Variants in RIN2 observed in about 807,000 individuals in gnomAD.
RIN2 encodes the protein Ras and Rab interactor 2, also known as RAB5 interacting protein 2.
RIN2 carries 36 observed loss-of-function variants against 78.0 expected under a neutral mutation model. That is an observed-to-expected ratio of 0.46 (90% confidence interval 0.35 to 0.61). The LOEUF is 0.61. Among genes scored for constraint, RIN2 ranks in the 20% least tolerant of loss-of-function variants. RIN2 has a pLI of 0.00. For synonymous variants in RIN2, 466 were observed against 466.8 expected (o/e 1.00, Z 0.02); for missense variants, 1,087 against 1,159.7 (o/e 0.94, Z 0.91).
At chr20:19,894,012 C>T (rs1004260358) in intron 3 of RIN2, among the ~76,000 whole-genome samples, 2 of 152,110 alleles carry the variant, frequency 1.3e-5, no homozygotes, top group African/African-American at 2.4e-5. Flanking sequence ...ATGGAGGTTG[C>T]ACTGAGCCAA....
chr20:19,970,060 T>A (rs1171012215), intron 7 of RIN2, among the ~76,000 whole-genome samples: 1 of 152,234 alleles, frequency 6.6e-6, no homozygotes, highest in African/African-American at 2.4e-5. Context: ...CTCTGCCATG[T>A]GTGTTTGTCC....
chr20:19,805,966 G>T (rs753796678), intron 2 of RIN2, among the ~76,000 whole-genome samples: 36 of 152,134 alleles, frequency 2.4e-4, no homozygotes, highest in Non-Finnish European at 5.0e-4. Context: ...AGAACATGCA[G>T]TGTTTGGTTT....
At chr20:19,757,700 AT>A (rs1473128155), upstream of RIN2, 5 of 152,206 alleles carry the variant, frequency 3.3e-5, no homozygotes, top group Non-Finnish European at 7.3e-5. Context: ...AGATCCCGGG[AT>A]CTGTAGTTGG....
chr20:19,818,087 A>G (rs6112590), intron 2 of RIN2, among the ~76,000 whole-genome samples: 43,714 of 152,118 alleles, frequency 0.29, 6,718 homozygotes, highest in African/African-American at 0.41. Flanking sequence ...TCTGAGTTAC[A>G]AACCTGTGCA....
At chr20:19,821,585 A>G (rs2035928720) in intron 2 of RIN2, among the ~76,000 whole-genome samples, 1 of 152,050 alleles carries the variant, frequency 6.6e-6, no homozygotes, top group African/African-American at 2.4e-5. Context: ...CTCCAGCAAT[A>G]GTGGGCAGTA....
At chr20:19,823,821 C>G (rs929238986) in intron 2 of RIN2, 59 of 1,604,976 alleles carry the variant, frequency 3.7e-5, no homozygotes, top group Non-Finnish European at 4.4e-5. Flanking sequence ...CATCACCAAC[C>G]TTTTTTGGAG....
intron 2 of RIN2, among the ~76,000 whole-genome samples, chr20:19,849,468 G>A (rs891153164): frequency 1.4e-4 from 22 of 152,162 alleles, no homozygotes; most frequent in Admixed American, 1.4e-3. Context: ...GTTCTACCCC[G>A]ACTCTGCTCC....
chr20:19,985,252 T>C (rs1211857146), intron 9 of RIN2, among the ~76,000 whole-genome samples: 1 of 152,264 alleles, frequency 6.6e-6, no homozygotes, highest in Non-Finnish European at 1.5e-5. Flanking sequence ...TCAAGGTTTC[T>C]GTCTCTCTTC....
At position 19,970,859 on chromosome 20, in the gene RIN2, G is replaced by A; in HGVS notation, c.558G>A (p.Leu186=). ...CISRDVLPFT[L]KLPYAISTAK... ...TCAGGGATGTTCTACCATTTACCTT[G>A]AAGTTGCCTTATGCCATTTCAACAG... Residue 186 remains leucine, a synonymous_variant, in exon 8 of 13, where the codon TTG becomes TTA. Transcript: ENST00000255006. The A allele has an allele frequency of 6.2e-7, 1 of 1,613,440 alleles. No homozygotes were observed. The highest frequency in any genetic ancestry group is 1.3e-5 in the African/African-American group (1 of 75,018).
chr20:19,828,704 G>A (rs1041149750), intron 2 of RIN2, among the ~76,000 whole-genome samples: 13 of 152,184 alleles, frequency 8.5e-5, no homozygotes, highest in African/African-American at 3.1e-4. Context: ...TGTTTCTTAT[G>A]AATGGAACAT....
intron 9 of RIN2, among the ~76,000 whole-genome samples, chr20:19,977,119 G>A (rs1164016121): frequency 1.3e-5 from 2 of 152,116 alleles, no homozygotes; most frequent in Non-Finnish European, 2.9e-5. Flanking sequence ...CGCTCTCAAG[G>A]GAGACCATAT....
chr20:19,783,876 C>T (rs1366494663), intron 1 of RIN2, among the ~76,000 whole-genome samples: 1 of 152,130 alleles, frequency 6.6e-6, no homozygotes. Context: ...AGGCCTCTCC[C>T]TGGGAAAAGC....
intron 2 of RIN2, among the ~76,000 whole-genome samples, chr20:19,883,398 G>A (rs886349850): frequency 1.3e-5 from 2 of 150,906 alleles, no homozygotes; most frequent in Non-Finnish European, 2.9e-5. Context: ...GGAGTGCAGC[G>A]GAGCGATAAT....
chr20:19,783,960 G>A (rs1033664212), intron 1 of RIN2, among the ~76,000 whole-genome samples: 16 of 152,182 alleles, frequency 1.1e-4, no homozygotes, highest in African/African-American at 3.6e-4. Context: ...GCAGGCTGTC[G>A]TGGAAGAGGG....
chr20:19,857,471 T>A (rs2037204430), intron 2 of RIN2, among the ~76,000 whole-genome samples: 1 of 152,180 alleles, frequency 6.6e-6, no homozygotes, highest in Admixed American at 6.5e-5. Flanking sequence ...TGTAGACACA[T>A]ACATCCATTT....
intron 11 of RIN2, 31 bp from the exon 12 acceptor site, chr20:19,996,648 T>G: frequency 6.2e-7 from 1 of 1,613,452 alleles, no homozygotes; most frequent in Non-Finnish European, 8.5e-7. Flanking sequence ...AGGTTGGCAC[T>G]GGGAGGACCC....
At chr20:19,768,240 C>T (rs535970021) in intron 1 of RIN2, among the ~76,000 whole-genome samples, 12 of 152,228 alleles carry the variant, frequency 7.9e-5, no homozygotes, top group Non-Finnish European at 1.0e-4. Flanking sequence ...AAGCAGACCC[C>T]GAGGTGAGGA....
chr20:19,862,663 C>G (rs1482511338), intron 2 of RIN2, among the ~76,000 whole-genome samples: 2 of 152,184 alleles, frequency 1.3e-5, no homozygotes, highest in Non-Finnish European at 2.9e-5. Context: ...CCTCAACCAC[C>G]CATTGCCACG....
At chr20:19,953,138 A>T (rs2041389629) in intron 4 of RIN2, among the ~76,000 whole-genome samples, 1 of 151,590 alleles carries the variant, frequency 6.6e-6, no homozygotes, top group African/African-American at 2.4e-5. Flanking sequence ...CCCCTGGGGA[A>T]TTTTTTTTTC....
Sources: gnomAD v4.1 joint callset for allele counts (sites outside exome capture counted in the v4.1 genomes callset) on GRCh38, gnomAD v4.1.1 for gene constraint, MANE v1.5 for transcripts, NCBI Gene and HGNC (gene_info 2026-07-23, HGNC 2026-07-21) for gene names.